SDK1: variants seen among roughly 807,000 people sequenced by gnomAD.
SDK1 encodes protein sidekick-1.
In SDK1, 157 loss-of-function variants were observed where a neutral mutation model predicts 245.5. The observed-to-expected ratio is 0.64, with a 90% CI of 0.56 to 0.73. The LOEUF is 0.73. Among genes scored for constraint, SDK1 ranks in the 30% least tolerant of loss-of-function variants. The pLI, the probability that SDK1 is intolerant of heterozygous loss-of-function variation, is 0.00. For synonymous variants in SDK1, 1,647 were observed against 1,278.5 expected (o/e 1.29, Z -6.15); for missense variants, 3,583 against 3,002.3 (o/e 1.19, Z -4.52).
chr7:3,764,645 G>C (rs185838615), intron 4 of SDK1, among the ~76,000 whole-genome samples: 2 of 151,784 alleles, frequency 1.3e-5, no homozygotes, highest in Non-Finnish European at 2.9e-5. Flanking sequence ...TTGCGCCACC[G>C]CACTCTAGCC....
chr7:3,967,291 G>A (rs987166875), intron 9 of SDK1, 27 bp from the exon 10 acceptor site: 3 of 1,568,590 alleles, frequency 1.9e-6, no homozygotes, highest in Non-Finnish European at 2.6e-6. Flanking sequence ...ACAAGGCCCT[G>A]ATCATTTCAT....
intron 5 of SDK1, among the ~76,000 whole-genome samples, chr7:3,865,238 G>A (rs1780792436): frequency 6.6e-6 from 1 of 152,208 alleles, no homozygotes; most frequent in African/African-American, 2.4e-5. Flanking sequence ...TGTGGAAGCA[G>A]GGAGTGTGGG....
chr7:4,194,345 T>G (rs531700082), intron 35 of SDK1, among the ~76,000 whole-genome samples: 1 of 122,550 alleles, frequency 8.2e-6, no homozygotes, highest in Admixed American at 7.6e-5. Context: ...TATACATGTA[T>G]AGATATATGT....
intron 1 of SDK1, among the ~76,000 whole-genome samples, chr7:3,546,208 T>A (rs1440622251): frequency 6.6e-6 from 1 of 152,084 alleles, no homozygotes; most frequent in Non-Finnish European, 1.5e-5. Context: ...TCCCTGAGGA[T>A]GATGACACCG....
Position 4,113,301 on chromosome 7 carries a change from G to A in SDK1, c.3447G>A (p.Lys1149=). The change falls in exon 24 of 45, where the codon AAG becomes AAA. Residue 1149 remains lysine, a synonymous_variant. Coordinates refer to ENST00000404826, the MANE Select transcript of SDK1 (RefSeq NM_152744.4). ...TPYTHYRFRM[K]QVNIVGPSPY... ...GTTTTTCCTTTAGATTTCGAATGAA[G>A]CAAGTGAACATTGTTGGGCCGAGCC... The A allele has an allele frequency of 6.2e-7, 1 of 1,612,990 alleles. No homozygotes were observed. The highest frequency in any genetic ancestry group is 8.5e-7 in the Non-Finnish European group (1 of 1,179,512).
intron 1 of SDK1, among the ~76,000 whole-genome samples, chr7:3,582,427 CA>C (rs996439583): frequency 2.1e-5 from 3 of 145,714 alleles, no homozygotes; most frequent in Admixed American, 6.8e-5. Flanking sequence ...AGGTCTGTCT[CA>C]GGTAGGTCTG....
chr7:3,969,012 A>C (rs1216261806), intron 10 of SDK1, among the ~76,000 whole-genome samples: 1 of 152,180 alleles, frequency 6.6e-6, no homozygotes, highest in African/African-American at 2.4e-5. Flanking sequence ...AGTGCCAAAC[A>C]GTTTTAAACC....
intron 5 of SDK1, among the ~76,000 whole-genome samples, chr7:3,902,010 C>A (rs929075784): frequency 6.6e-6 from 1 of 152,182 alleles, no homozygotes; most frequent in Non-Finnish European, 1.5e-5. Context: ...CTTTCTAGCA[C>A]AACAAGCTGC....
At chr7:3,653,273 C>T (rs1032239701) in intron 4 of SDK1, among the ~76,000 whole-genome samples, 4 of 152,190 alleles carry the variant, frequency 2.6e-5, no homozygotes, top group Admixed American at 2.0e-4. Context: ...CTGTGCTTTC[C>T]CCTTCCCTCC....
Position 4,129,936 on chromosome 7 carries a change from C to G in SDK1, c.3968C>G (p.Pro1323Arg). 2 of 1,613,720 alleles carry G rather than the reference C, an allele frequency of 1.2e-6. No individual in the cohort carries two copies. Among genetic ancestry groups the G allele is most frequent in the Non-Finnish European group, 1.7e-6 (2 of 1,179,912 alleles). The change falls in exon 27 of 45, where the codon CCC becomes CGC. Residue 1323 changes from proline to arginine, a missense_variant. By Grantham distance (103) the Pro-to-Arg change is moderately radical. Coordinates refer to ENST00000404826, the MANE Select transcript of SDK1 (RefSeq NM_152744.4). ...KILFRAKDLD[P>R]EPRSHIVRGN... The stretch of plus-strand genomic sequence containing the variant: ...CTGTTCCGGGCCAAAGACCTGGATC[C>G]CGAGCCCAGGAGCCACATCGTGCGA...
At chr7:4,209,770 G>T (rs141564387) in intron 37 of SDK1, among the ~76,000 whole-genome samples, 1 of 152,094 alleles carries the variant, frequency 6.6e-6, no homozygotes, top group African/African-American at 2.4e-5. Flanking sequence ...TGCCTTTGCC[G>T]TTTTGTCTCT....
chr7:3,792,528 A>C (rs1781127983), intron 4 of SDK1, among the ~76,000 whole-genome samples: 1 of 152,234 alleles, frequency 6.6e-6, no homozygotes, highest in Admixed American at 6.5e-5. Context: ...GAATAAGCGA[A>C]TAATGCAAAT....
Position 4,265,108 on chromosome 7 carries a change from C to A in SDK1, c.6382-16C>A. The A allele has an allele frequency of 6.2e-7, 1 of 1,607,256 alleles. No individual in the cohort carries two copies. The highest frequency in any genetic ancestry group is 1.1e-5 in the South Asian group (1 of 90,478). ...GCCCTGCCCTGCACTCACACCTTCT[C>A]TCCCGCTCCCCGCAGGCCACGGACT... On this transcript the variant is annotated splice_polypyrimidine_tract_variant and intron_variant, in intron 44 of 44. Transcript: ENST00000404826.
chr7:3,967,295 A>G, intron 9 of SDK1, 23 bp from the exon 10 acceptor site: 1 of 1,582,062 alleles, frequency 6.3e-7, no homozygotes, highest in East Asian at 2.2e-5. Flanking sequence ...GGCCCTGATC[A>G]TTTCATTTAC....
chr7:3,733,501 T>C (rs1206691040), intron 4 of SDK1, among the ~76,000 whole-genome samples: 1 of 152,212 alleles, frequency 6.6e-6, no homozygotes, highest in East Asian at 1.9e-4. Flanking sequence ...GTTGCCCTGC[T>C]CTGGAGGTCC....
Position 4,027,649 on chromosome 7 carries a change from G to A in SDK1, c.2602+10297G>A, listed in dbSNP as rs183637084. On this transcript the variant is annotated intron_variant, in intron 17 of 44. Coordinates refer to ENST00000404826, the MANE Select transcript of SDK1 (RefSeq NM_152744.4). ...AACCATCATTTTCTACTATTTCTCCGTTTATGTAGATGGAAGAGAAGATGA... is the reference window on the plus strand; with the variant it reads ...AACCATCATTTTCTACTATTTCTCCATTTATGTAGATGGAAGAGAAGATGA... 2.6e-3 allele frequency among the ~76,000 whole-genome samples: 396 copies of A among 152,220 alleles called. 2 individuals are homozygous for A. The highest frequency in any genetic ancestry group is 7.6e-3 in the African/African-American group (314 of 41,522).
At chr7:3,771,015 T>A (rs1021389853) in intron 4 of SDK1, among the ~76,000 whole-genome samples, 2 of 152,174 alleles carry the variant, frequency 1.3e-5, no homozygotes, top group African/African-American at 4.8e-5. Context: ...TGGGTGTTTT[T>A]TCTGGTCTTG....
intron 1 of SDK1, among the ~76,000 whole-genome samples, chr7:3,545,006 G>A (rs1469079793): frequency 6.6e-6 from 1 of 152,116 alleles, no homozygotes; most frequent in Non-Finnish European, 1.5e-5. Context: ...TTTCTTTTCT[G>A]CAGCAGGTGA....
In SDK1 at chr7:3,782,109, G is replaced by A. The variant is rs11505318; in HGVS notation, c.714-39341G>A. Among the ~76,000 whole-genome samples, 844 of 152,294 alleles carry A rather than the reference G, an allele frequency of 5.5e-3. 9 individuals carry two copies. Among genetic ancestry groups the A allele is most frequent in the African/African-American group, 0.02 (811 of 41,566 alleles). ...ATACCCAAGACTGGGTAATTTATGAGGAAAAGATGTTTCATGGGCTCATGG... is the reference window on the plus strand; with the variant it reads ...ATACCCAAGACTGGGTAATTTATGAAGAAAAGATGTTTCATGGGCTCATGG... On this transcript the variant is annotated intron_variant, in intron 4 of 44. Coordinates refer to ENST00000404826, the MANE Select transcript of SDK1 (RefSeq NM_152744.4).
Sources: allele counts gnomAD v4.1 joint callset (sites outside exome capture counted in the v4.1 genomes callset), GRCh38; gene constraint gnomAD v4.1.1; transcripts MANE v1.5; gene names NCBI Gene and HGNC (gene_info 2026-07-23, HGNC 2026-07-21).